Variants in ROBO2 observed in about 807,000 individuals in gnomAD.
ROBO2 encodes roundabout guidance receptor 2.
ROBO2 carries 53 observed loss-of-function variants against 160.8 expected under a neutral mutation model. The observed-to-expected ratio is 0.33, with a 90% CI of 0.26 to 0.41. ROBO2 has a LOEUF of 0.41. Ranked by LOEUF, ROBO2 falls within the 10% of genes least tolerant of loss-of-function variation. The pLI, the probability that ROBO2 is intolerant of heterozygous loss-of-function variation, is 1.00. For missense variants in ROBO2, 1,577 were observed against 1,722.4 expected (o/e 0.92, Z 1.49); for synonymous variants, 664 against 611.7 (o/e 1.09, Z -1.26).
At chr3:76,702,473 C>A (rs1156232830) in intron 2 of ROBO2, among the ~76,000 whole-genome samples, 2 of 151,516 alleles carry the variant, frequency 1.3e-5, no homozygotes, top group Admixed American at 6.6e-5. Context: ...AAACAGAAAA[C>A]CACACACACA....
chr3:75,913,579 T>A (rs966586973), intron 1 of ROBO2, among the ~76,000 whole-genome samples: 2 of 152,224 alleles, frequency 1.3e-5, no homozygotes, highest in African/African-American at 2.4e-5. Context: ...TTAAATACCC[T>A]TAGATTTGTC....
chr3:77,123,171 G>A (rs2074953929), intron 2 of ROBO2, among the ~76,000 whole-genome samples: 1 of 152,102 alleles, frequency 6.6e-6, no homozygotes, highest in African/African-American at 2.4e-5. Flanking sequence ...CATGGACTGG[G>A]AGTATTAACA....
intron 2 of ROBO2, among the ~76,000 whole-genome samples, chr3:75,963,767 C>T (rs1401132702): frequency 6.6e-6 from 1 of 151,668 alleles, no homozygotes. Flanking sequence ...ATGGAAGGAT[C>T]TGTTTTAGGC....
chr3:76,284,651 T>G (rs903407390), intron 2 of ROBO2, among the ~76,000 whole-genome samples: 4 of 152,164 alleles, frequency 2.6e-5, no homozygotes, highest in Non-Finnish European at 5.9e-5. Context: ...GATCATCAGC[T>G]TCTGTGAGTA....
At chr3:77,225,772 A>G (rs1002397511) in intron 2 of ROBO2, among the ~76,000 whole-genome samples, 9 of 152,080 alleles carry the variant, frequency 5.9e-5, no homozygotes, top group African/African-American at 2.2e-4. Context: ...CTGCAATTGA[A>G]TTAACACTTG....
intron 2 of ROBO2, among the ~76,000 whole-genome samples, chr3:77,254,336 T>G (rs563419134): frequency 6.6e-6 from 1 of 152,362 alleles, no homozygotes; most frequent in East Asian, 1.9e-4. Context: ...TATTCATTTT[T>G]TAATTGAATC....
chr3:76,560,343 T>C (rs1330096342), intron 2 of ROBO2, among the ~76,000 whole-genome samples: 1 of 151,990 alleles, frequency 6.6e-6, no homozygotes, highest in East Asian at 1.9e-4. Flanking sequence ...TTTTAAAGTC[T>C]CAGGTGATAC....
rs560331130 is a variant in ROBO2 at position 77,294,191 on chromosome 3, G to T, written c.389-183223G>T. 3.6e-4 allele frequency among the ~76,000 whole-genome samples: 51 copies of T among 142,328 alleles called. 3 individuals carry two copies. Among genetic ancestry groups the T allele is most frequent in the African/African-American group, 1.3e-3 (50 of 37,538 alleles). The allele number at this position is 142,328 out of a possible 152,430, so 93.4% of individuals were successfully genotyped here. On this transcript the variant is annotated intron_variant, in intron 2 of 25. Transcript: ENST00000461745. ...GAGGCTAGATCACCCCAGATGTGAA[G>T]TAAAATTGACGGCTAAAAGGGTAAG... is the stretch of plus-strand genomic sequence containing the variant.
At chr3:77,452,102 C>G (rs1336861323) in intron 2 of ROBO2, among the ~76,000 whole-genome samples, 2 of 152,010 alleles carry the variant, frequency 1.3e-5, no homozygotes, top group African/African-American at 4.8e-5. Flanking sequence ...TCCTAGCTTC[C>G]ATCTTTCCCC....
chr3:76,891,394 G>T lies in ROBO2; in HGVS notation c.110-206620G>T, dbSNP rs1328337327. 2.0e-5 allele frequency among the ~76,000 whole-genome samples: 3 copies of T among 152,018 alleles called. No individual in the cohort carries two copies. The East Asian group carries it at 5.8e-4, about 29-fold the overall frequency. The stretch of plus-strand genomic sequence containing the variant: ...TTTTTGATTTTTAATAAAAATCTAT[G>T]CAAAACCATCAGATCCTAGTATCTC... On this transcript the variant is annotated intron_variant, in intron 2 of 26. Coordinates refer to the ROBO2 transcript ENST00000487694.
intron 19 of ROBO2, among the ~76,000 whole-genome samples, chr3:77,599,864 C>T (rs1165708901): frequency 6.6e-6 from 1 of 152,124 alleles, no homozygotes; most frequent in Non-Finnish European, 1.5e-5. Context: ...TATGAAAATG[C>T]AGACATAAAT....
At chr3:76,738,050 C>T (rs1022249390) in intron 2 of ROBO2, among the ~76,000 whole-genome samples, 2 of 152,040 alleles carry the variant, frequency 1.3e-5, no homozygotes, top group African/African-American at 4.8e-5. Flanking sequence ...GGGAGGATCA[C>T]TTCAGCCCAG....
intron 2 of ROBO2, among the ~76,000 whole-genome samples, chr3:76,453,774 TA>T (rs1165609593): frequency 5.3e-5 from 8 of 152,258 alleles, no homozygotes; most frequent in Admixed American, 3.3e-4. Flanking sequence ...AAGTATCCTC[TA>T]AAAAAATGAA....
intron 2 of ROBO2, among the ~76,000 whole-genome samples, chr3:77,099,537 C>T (rs756794184): frequency 2.0e-5 from 3 of 152,078 alleles, no homozygotes; most frequent in Non-Finnish European, 2.9e-5. Context: ...TTTGTACTGG[C>T]CACCAAATAG....
intron 2 of ROBO2, among the ~76,000 whole-genome samples, chr3:76,223,839 A>T (rs1704127230): frequency 6.6e-6 from 1 of 152,220 alleles, no homozygotes; most frequent in Non-Finnish European, 1.5e-5. Context: ...ATTAGGAGCA[A>T]CCAATCAGCA....
At position 77,538,325 on chromosome 3, in the gene ROBO2, C is replaced by T. The variant is rs1036398526; in HGVS notation, c.935-8013C>T. Reference sequence around the variant, plus strand: ...TCCCGAGTAGCTGGGACTACAGTCGCCGCCACGACGCCCAGATAATTTTTT... The same window carrying T: ...TCCCGAGTAGCTGGGACTACAGTCGTCGCCACGACGCCCAGATAATTTTTT... On this transcript the variant is annotated intron_variant, in intron 6 of 25. Coordinates refer to ENST00000461745, the Ensembl canonical transcript of ROBO2. Among the ~76,000 whole-genome samples, 30 of 151,760 alleles carry T rather than the reference C, an allele frequency of 2.0e-4. 1 individual carries two copies. The highest frequency in any genetic ancestry group is 6.0e-4 in the African/African-American group (25 of 41,434).
chr3:76,505,454 C>T (rs1386269806), intron 2 of ROBO2, among the ~76,000 whole-genome samples: 1 of 152,040 alleles, frequency 6.6e-6, no homozygotes, highest in African/African-American at 2.4e-5. Flanking sequence ...CTGCTGGCAC[C>T]TGTGAATGTG....
rs1416133271 is a variant in ROBO2 at position 75,961,252 on chromosome 3, A to G, written c.109+23650A>G. Among the ~76,000 whole-genome samples, 3 of 151,818 alleles carry G rather than the reference A, an allele frequency of 2.0e-5. No individual in the cohort carries two copies. The East Asian group carries it at 5.9e-4, about 30-fold the overall frequency. The stretch of plus-strand genomic sequence containing the variant: ...ATGTAGTTTTTCATTAGTAGTAGTA[A>G]TTCAAGCTAGAACATATTATATATT... On this transcript the variant is annotated intron_variant, in intron 2 of 26. Transcript: ENST00000487694.
At chr3:76,734,934 T>C (rs1390605758) in intron 2 of ROBO2, among the ~76,000 whole-genome samples, 1 of 152,182 alleles carries the variant, frequency 6.6e-6, no homozygotes, top group Non-Finnish European at 1.5e-5. Flanking sequence ...TTGACATAAG[T>C]AGTAATGCAA....
Sources: gnomAD v4.1 joint callset for allele counts (sites outside exome capture counted in the v4.1 genomes callset) on GRCh38, gnomAD v4.1.1 for gene constraint, MANE v1.5 for transcripts, NCBI Gene and HGNC (gene_info 2026-07-23, HGNC 2026-07-21) for gene names.